The following EP300 variants were observed in gnomAD, a reference collection of about 807,000 sequenced individuals.
EP300 encodes histone acetyltransferase p300.
EP300 carries 31 observed loss-of-function variants against 264.0 expected under a neutral mutation model. That is an observed-to-expected ratio of 0.12 (90% CI 0.09 to 0.16). The LOEUF (loss-of-function observed/expected upper bound fraction) is 0.16. Ranked by LOEUF, EP300 falls within the 10% of genes least tolerant of loss-of-function variation. The pLI is 1.00. For missense variants in EP300, 2,766 were observed against 3,052.9 expected (o/e 0.91, Z 2.21); for synonymous variants, 1,340 against 1,045.4 (o/e 1.28, Z -5.44).
chr22:41,093,248 G>T, intron 1 of EP300, 150 bp downstream of exon 1: 1 of 783,852 alleles, frequency 1.3e-6, no homozygotes, highest in Non-Finnish European at 2.1e-6. Context: ...GGTCGAAGAC[G>T]TCCAGTAGCC....
intron 1 of EP300, among the ~76,000 whole-genome samples, chr22:41,095,368 A>C (rs966934828): frequency 1.2e-4 from 18 of 150,022 alleles, no homozygotes; most frequent in African/African-American, 4.4e-4. Context: ...AGTAGCTAGG[A>C]CTACAGGCGC....
At chr22:41,132,561 A>G (rs961655293) in intron 6 of EP300, among the ~76,000 whole-genome samples, 10 of 152,142 alleles carry the variant, frequency 6.6e-5, no homozygotes, top group Non-Finnish European at 1.5e-4. Flanking sequence ...TGCTGGGATT[A>G]CAGGCGTGAG....
intron 19 of EP300, 141 bp downstream of exon 19, chr22:41,158,641 C>T (rs1480324874): frequency 2.8e-6 from 2 of 713,178 alleles, no homozygotes; most frequent in Non-Finnish European, 4.9e-6. Context: ...TGTTTTTTGC[C>T]TTCTGCCTTT....
chr22:41,106,180 A>C (rs976311989), intron 1 of EP300, among the ~76,000 whole-genome samples: 1 of 152,148 alleles, frequency 6.6e-6, no homozygotes, highest in African/African-American at 2.4e-5. Flanking sequence ...AAATTTACAA[A>C]ATTTCTCATT....
chr22:41,176,201 CAG>C (rs780700117), intron 29 of EP300, 44 bp from the exon 30 acceptor site: 6 of 1,610,404 alleles, frequency 3.7e-6, no homozygotes, highest in Non-Finnish European at 5.1e-6. Context: ...GCCTGGATGA[CAG>C]AGCGAGGCCC....
In EP300 at chr22:41,170,415, A is replaced by G. The variant is rs1388781486; in HGVS notation, c.4296A>G (p.Thr1432=). The G allele has an allele frequency of 1.9e-6, 3 of 1,613,002 alleles. No individual in the cohort carries two copies. Among genetic ancestry groups the G allele is most frequent in the East Asian group, 2.2e-5 (1 of 44,832 alleles). ...CTCTTTGTATTGTTAGTTACACAAC[A>G]GGGCATATTTGGGCATGTCCACCAA... ...LEYVKKLGYT[T]GHIWACPPSE... The change falls in exon 27 of 31, where the codon ACA becomes ACG. Residue 1432 remains threonine, a synonymous_variant. Transcript: ENST00000263253.
In EP300 at chr22:41,177,954, G is replaced by A. The variant is rs2059212331; in HGVS notation, c.6243G>A (p.Leu2081=). The A allele has an allele frequency of 1.2e-6, 2 of 1,614,010 alleles. No homozygotes were observed. Among genetic ancestry groups the A allele is most frequent in the Non-Finnish European group, 1.7e-6 (2 of 1,180,030 alleles). Residue 2081 remains leucine, a synonymous_variant, in exon 31 of 31, where the codon TTG becomes TTA. Transcript: ENST00000263253. ...TCCTTCACGCCAACCCCCAGCTGTT[G>A]GCTGCATTCATCAAGCAGCGGGCTG... ...LSILHANPQL[L]AAFIKQRAAK...
At chr22:41,158,791 A>G (rs756871743) in intron 19 of EP300, 7 of 408,854 alleles carry the variant, frequency 1.7e-5, no homozygotes, top group South Asian at 7.1e-5. Context: ...TTCTCTTTCT[A>G]CTGTGTGTTT....
At chr22:41,102,029 CT>C (rs5845488) in intron 1 of EP300, among the ~76,000 whole-genome samples, 1,866 of 119,230 alleles carry the variant, frequency 0.016, 40 homozygotes, top group East Asian at 0.055. Context: ...TTTTTCTTTT[CT>C]TTTTTTTTTT....
At chr22:41,101,453 C>A (rs1291013648) in intron 1 of EP300, among the ~76,000 whole-genome samples, 6 of 150,996 alleles carry the variant, frequency 4.0e-5, no homozygotes, top group Non-Finnish European at 7.4e-5. Context: ...GCTCTGTCAC[C>A]CAGGCTAGAG....
In EP300 at chr22:41,137,741, T is replaced by C; in HGVS notation, c.1711T>C (p.Trp571Arg). The C allele has an allele frequency of 6.2e-7, 1 of 1,614,176 alleles. No homozygotes were observed. Residue 571 changes from tryptophan to arginine, a missense_variant, in exon 8 of 31, where the codon TGG becomes CGG. Physicochemically the swap from Trp to Arg is moderately radical, Grantham distance 101. Transcript: ENST00000263253. ...ATCCACTACTGGAATTCGGAAACAGTGGCACGAAGATATTACTCAGGATCT... is the reference window on the plus strand; with the variant it reads ...ATCCACTACTGGAATTCGGAAACAGCGGCACGAAGATATTACTCAGGATCT... ...QPSTTGIRKQ[W>R]HEDITQDLRN...
chr22:41,135,362 C>G (rs1054190942), intron 6 of EP300, among the ~76,000 whole-genome samples: 2 of 152,160 alleles, frequency 1.3e-5, no homozygotes, highest in Non-Finnish European at 2.9e-5. Context: ...CTTTTCCTCT[C>G]ATTATATTAT....
chr22:41,125,696 G>A (rs879010662), intron 2 of EP300, among the ~76,000 whole-genome samples, 168 bp from the exon 3 acceptor site: 4 of 152,186 alleles, frequency 2.6e-5, no homozygotes, highest in African/African-American at 7.2e-5. Flanking sequence ...GTATTTTTTA[G>A]TAGAGATGGG....
intron 27 of EP300, 89 bp from the exon 28 acceptor site, chr22:41,172,410 T>C: frequency 1.6e-6 from 2 of 1,216,942 alleles, no homozygotes; most frequent in Non-Finnish European, 2.4e-6. Flanking sequence ...TTTTAAGCTT[T>C]CATGTTTCTT....
chr22:41,169,925 T>A (rs2059160590), intron 26 of EP300, among the ~76,000 whole-genome samples: 1 of 152,234 alleles, frequency 6.6e-6, no homozygotes, highest in African/African-American at 2.4e-5. Flanking sequence ...TTTGATCCTT[T>A]TACAACCTGG....
chr22:41,105,218 A>G (rs2058752123), intron 1 of EP300, among the ~76,000 whole-genome samples: 1 of 144,760 alleles, frequency 6.9e-6, no homozygotes, highest in South Asian at 2.2e-4. Context: ...AAAAAAAAAA[A>G]AAAGCCGGGC....
At chr22:41,148,778 A>T in intron 12 of EP300, 1 of 530,824 alleles carries the variant, frequency 1.9e-6, no homozygotes, top group East Asian at 3.3e-5. Context: ...TTGTGTACCA[A>T]GAGAATGTGT....
chr22:41,113,166 C>CCCG (rs913860069), intron 1 of EP300, among the ~76,000 whole-genome samples: 1 of 143,968 alleles, frequency 6.9e-6, no homozygotes, highest in Non-Finnish European at 1.5e-5. Flanking sequence ...CACCCCCCCC[C>CCCG]CAACTTATGC....
chr22:41,108,397 C>A (rs1322007435), intron 1 of EP300, among the ~76,000 whole-genome samples: 1 of 151,878 alleles, frequency 6.6e-6, no homozygotes, highest in African/African-American at 2.4e-5. Flanking sequence ...TACAGATGTG[C>A]ACCACCATGC....
Sources: allele counts gnomAD v4.1 joint callset (sites outside exome capture counted in the v4.1 genomes callset), GRCh38; gene constraint gnomAD v4.1.1; transcripts MANE v1.5; gene names NCBI Gene and HGNC (gene_info 2026-07-23, HGNC 2026-07-21).